The following AXDND1 variants were observed in gnomAD, a reference collection of about 807,000 sequenced individuals.
AXDND1 encodes axonemal dynein light chain domain-containing protein 1.
A neutral mutation model predicts 137.5 loss-of-function variants in AXDND1; 110 were observed. The observed-to-expected ratio is 0.80, with a 90% CI of 0.69 to 0.94. AXDND1 has a LOEUF of 0.94. Ranked by LOEUF, AXDND1 falls within the 40% of genes least tolerant of loss-of-function variation. The probability of loss-of-function intolerance (pLI) is 0.00; values close to 1 mark genes in which losing one functional copy is unlikely to be tolerated. For synonymous variants in AXDND1, 414 were observed against 399.7 expected, an observed-to-expected ratio of 1.04 and a Z score of -0.43; for missense variants, 1,191 against 1,169.8, an observed-to-expected ratio of 1.02 and a Z score of -0.26.
At chr1:179,456,616 C>A in intron 16 of AXDND1, 2 of 829,814 alleles carry the variant, frequency 2.4e-6, no homozygotes, top group Non-Finnish European at 4.1e-6. Context: ...TTATAGCCAT[C>A]CCCACTGCCA....
In AXDND1 at chr1:179,395,102, C is replaced by T; in HGVS notation, c.1009C>T (p.Leu337=). 6.2e-7 allele frequency: 1 copy of T among 1,604,858 alleles called. No homozygotes were observed. Among genetic ancestry groups the T allele is most frequent in the Non-Finnish European group, 8.5e-7 (1 of 1,176,980 alleles). ...KHVIEELTRE[L]CLVRAHDVKL... is the part of the protein sequence containing the mutation. ...AATTTCTTTGCTTTATTTCAGGGAA[C>T]TGTGTCTAGTTCGGGCACATGATGT... The change falls in exon 11 of 26, where the codon CTG becomes TTG. Residue 337 remains leucine, a synonymous_variant. Coordinates refer to ENST00000367618, the MANE Select transcript of AXDND1 (RefSeq NM_144696.6).
At chr1:179,453,692 C>T (rs1660869291) in intron 16 of AXDND1, 1 of 151,144 alleles carries the variant, frequency 6.6e-6, no homozygotes, top group African/African-American at 2.4e-5. Flanking sequence ...TTCAGCTACT[C>T]AGGAGGCCGA....
chr1:179,418,793 G>A (rs1655148974), intron 12 of AXDND1, among the ~76,000 whole-genome samples: 1 of 151,942 alleles, frequency 6.6e-6, no homozygotes, highest in Non-Finnish European at 1.5e-5. Context: ...GGTGGCTGCT[G>A]GACGGAGGGG....
chr1:179,367,500 C>T (rs1177016602), intron 2 of AXDND1, among the ~76,000 whole-genome samples: 2 of 146,340 alleles, frequency 1.4e-5, no homozygotes, highest in East Asian at 2.0e-4. Flanking sequence ...GGCGACAGAA[C>T]GAGACTCCGT....
chr1:179,394,850 A>T (rs1261591078), intron 10 of AXDND1, among the ~76,000 whole-genome samples: 1 of 152,132 alleles, frequency 6.6e-6, no homozygotes, highest in Non-Finnish European at 1.5e-5. Flanking sequence ...GCCTCCCTCC[A>T]TTCTAAAGGA....
At chr1:179,491,913 C>T (rs1666944787) in intron 19 of AXDND1, among the ~76,000 whole-genome samples, 176 bp downstream of exon 19, 1 of 152,092 alleles carries the variant, frequency 6.6e-6, no homozygotes, top group South Asian at 2.1e-4. Flanking sequence ...TTTGGTTTTT[C>T]TTTTGAAAAC....
chr1:179,510,673 G>C (rs1668957776), intron 21 of AXDND1, among the ~76,000 whole-genome samples: 2 of 152,126 alleles, frequency 1.3e-5, no homozygotes, highest in South Asian at 4.2e-4. Flanking sequence ...GAACTGTACA[G>C]AATCAGAGAC....
intron 4 of AXDND1, 93 bp from the exon 5 acceptor site, chr1:179,378,544 A>G (rs144872008): frequency 0.028 from 27,036 of 977,678 alleles, 457 homozygotes; most frequent in Non-Finnish European, 0.033. Flanking sequence ...GGACCATCTT[A>G]CCCATTAGAA....
At position 179,468,598 on chromosome 1, in the gene AXDND1, CTT is replaced by C. The variant is rs772961526; in HGVS notation, c.1955_1956del (p.Leu652HisfsTer22). 6.2e-7 allele frequency: 1 copy of C among 1,612,330 alleles called. No homozygotes were observed. Among genetic ancestry groups the C allele is most frequent in the Non-Finnish European group, 8.5e-7 (1 of 1,179,646 alleles). ...ATCACACTTGGATATATTGTTAAAC[CTT>C]ACTGGTATTGTTCCACAGCACATAG... ...MKSHLDILLN[L>X]TGIVPQHIDV... On this transcript the variant is annotated frameshift_variant, in exon 17 of 26. Coordinates refer to ENST00000367618, the MANE Select transcript of AXDND1 (RefSeq NM_144696.6). LOFTEE classifies it high-confidence loss of function.
intron 21 of AXDND1, among the ~76,000 whole-genome samples, chr1:179,522,861 A>G (rs1670192039): frequency 9.7e-6 from 1 of 103,262 alleles, no homozygotes; most frequent in Non-Finnish European, 2.3e-5. Context: ...ATTTTTCTAT[A>G]CTGTACACAT....
intron 18 of AXDND1, among the ~76,000 whole-genome samples, chr1:179,488,720 C>G (rs1558257177): frequency 1.2e-5 from 1 of 85,726 alleles, no homozygotes; most frequent in African/African-American, 4.4e-5. Context: ...CTCTCTCTCT[C>G]TTTCTTTCTC....
At chr1:179,394,448 G>A (rs780467819) in intron 10 of AXDND1, among the ~76,000 whole-genome samples, 3 of 152,080 alleles carry the variant, frequency 2.0e-5, no homozygotes, top group Non-Finnish European at 2.9e-5. Flanking sequence ...TAATTAGACA[G>A]GCGTGGTGGC....
chr1:179,447,686 G>GT, intron 16 of AXDND1: 1 of 1,344,984 alleles, frequency 7.4e-7, no homozygotes, highest in Non-Finnish European at 1.1e-6. Context: ...CTGCCACCTG[G>GT]TGGAGGGGGA....
In AXDND1 at chr1:179,537,931, G is replaced by A. The variant is rs146156016; in HGVS notation, c.3031+2969G>A. ...CTGGTTTAGTCTTGGGAGGGTGTAT[G>A]TGTCCAGGAATTTATCCATTTCTTC... is the stretch of plus-strand genomic sequence containing the variant. On this transcript the variant is annotated intron_variant, in intron 25 of 25. Coordinates refer to ENST00000367618, the MANE Select transcript of AXDND1 (RefSeq NM_144696.6). Among the ~76,000 whole-genome samples, 12 of 152,270 alleles carry A rather than the reference G, an allele frequency of 7.9e-5. No homozygotes were observed. In the East Asian group the frequency reaches 2.3e-3, roughly 29 times the overall value.
chr1:179,470,183 G>A (rs1444507839), intron 17 of AXDND1, among the ~76,000 whole-genome samples: 2 of 152,072 alleles, frequency 1.3e-5, no homozygotes, highest in African/African-American at 4.8e-5. Context: ...CCACCCTTGT[G>A]TCAGTAACAC....
rs567051918 is a variant in AXDND1 at position 179,525,487 on chromosome 1, A to G, written c.2610+40A>G. 2.1e-5 allele frequency: 32 copies of G among 1,505,746 alleles called. No homozygotes were observed. In the Admixed American group the frequency reaches 4.0e-4, roughly 19 times the overall value. 93.3% of individuals were successfully genotyped at this position (1,505,746 alleles called of 1,614,324 possible). A position where few individuals can be genotyped will look rare whatever the true frequency, so the allele number is the denominator to read the frequency against. On this transcript the variant is annotated intron_variant, in intron 22 of 25. Transcript: ENST00000367618. ...TATTTGTTTTTCCTCCTACATACAT[A>G]CATACATACATACATACATATATTT...
Position 179,551,525 on chromosome 1 carries a change from C to G in AXDND1, c.3032-2987C>G, listed in dbSNP as rs2274624. 131,470 of 1,566,692 alleles carry G rather than the reference C, an allele frequency of 0.084. 6,091 individuals are homozygous for G. Among genetic ancestry groups the G allele is most frequent in the Non-Finnish European group, 0.09 (103,036 of 1,143,184 alleles). On this transcript the variant is annotated intron_variant, in intron 25 of 25. Coordinates refer to ENST00000367618, the MANE Select transcript of AXDND1 (RefSeq NM_144696.6). ...GGCTTCACCACTATGCAGTATGACTCAGCAGACAAGCACTGAGCATCTACT... is the reference window on the plus strand; with the variant it reads ...GGCTTCACCACTATGCAGTATGACTGAGCAGACAAGCACTGAGCATCTACT...
intron 12 of AXDND1, among the ~76,000 whole-genome samples, chr1:179,412,872 A>G (rs1170134596): frequency 2.0e-5 from 3 of 152,182 alleles, no homozygotes; most frequent in Admixed American, 1.3e-4. Flanking sequence ...TCTTATGGGG[A>G]AGACATTCTG....
At position 179,400,922 on chromosome 1, in the gene AXDND1, A is replaced by G. The variant is rs756864845; in HGVS notation, c.1109+5720A>G. Among the ~76,000 whole-genome samples, 591 of 142,176 alleles carry G rather than the reference A, an allele frequency of 4.2e-3. 5 individuals are homozygous for G. The highest frequency in any genetic ancestry group is 0.011 in the African/African-American group (412 of 37,360). 93.3% of individuals were successfully genotyped at this position (142,176 alleles called of 152,430 possible). A position where few individuals can be genotyped will look rare whatever the true frequency, so the allele number is the denominator to read the frequency against. ...TCTGTCTCAAAAAAAAAAAAAAAAA[A>G]AAAAAGAAAAAAAAAAGGACACAGA... On this transcript the variant is annotated intron_variant, in intron 11 of 25. Coordinates refer to ENST00000367618, the MANE Select transcript of AXDND1 (RefSeq NM_144696.6).
Sources: gnomAD v4.1 joint callset for allele counts (sites outside exome capture counted in the v4.1 genomes callset) on GRCh38, gnomAD v4.1.1 for gene constraint, MANE v1.5 for transcripts, NCBI Gene and HGNC (gene_info 2026-07-23, HGNC 2026-07-21) for gene names.